GPR39: variants seen among roughly 807,000 people sequenced by gnomAD.
GPR39 encodes zinc sensing receptor.
A neutral mutation model predicts 18.4 loss-of-function variants in GPR39; 23 were observed. That is an observed-to-expected ratio of 1.25 (90% CI 0.90 to 1.77). The LOEUF is 1.77. GPR39 is among the 40% of genes most tolerant of loss of function. The pLI, the probability that GPR39 is intolerant of heterozygous loss-of-function variation, is 0.00. For synonymous variants in GPR39, 280 were observed against 257.9 expected, an observed-to-expected ratio of 1.09 and a Z score of -0.82; for missense variants, 647 against 602.4, an observed-to-expected ratio of 1.07 and a Z score of -0.78.
At chr2:132,429,117 T>A (rs1220324568) in intron 1 of GPR39, among the ~76,000 whole-genome samples, 3 of 152,220 alleles carry the variant, frequency 2.0e-5, no homozygotes, top group Admixed American at 2.0e-4. Flanking sequence ...TTATATTTTA[T>A]CTTCAATCCT....
At chr2:132,466,998 C>CA (rs1434946002) in intron 1 of GPR39, among the ~76,000 whole-genome samples, 2 of 152,112 alleles carry the variant, frequency 1.3e-5, no homozygotes, top group Middle Eastern at 3.4e-3. Flanking sequence ...AAGTACCTGC[C>CA]AAAAAATGGT....
chr2:132,424,965 G>A (rs1012370836), intron 1 of GPR39, among the ~76,000 whole-genome samples: 1 of 152,062 alleles, frequency 6.6e-6, no homozygotes. Context: ...TTCCCAGCAC[G>A]GAGGCCCAAA....
intron 1 of GPR39, among the ~76,000 whole-genome samples, chr2:132,615,845 G>A (rs919394082): frequency 4.6e-5 from 7 of 151,942 alleles, no homozygotes; most frequent in African/African-American, 9.7e-5. Flanking sequence ...TTACTCTCAG[G>A]TGTTGATCCT....
chr2:132,522,747 A>C (rs1166070028), intron 1 of GPR39, among the ~76,000 whole-genome samples: 1 of 152,190 alleles, frequency 6.6e-6, no homozygotes. Flanking sequence ...TATTTATATG[A>C]CATCTGGGCC....
chr2:132,474,171 CTT>C (rs1345918712), intron 1 of GPR39, among the ~76,000 whole-genome samples: 4 of 152,162 alleles, frequency 2.6e-5, no homozygotes, highest in Non-Finnish European at 5.9e-5. Context: ...TGGGTTTTCT[CTT>C]TTCTCAAAGG....
At chr2:132,618,664 A>T (rs1681381127) in intron 1 of GPR39, among the ~76,000 whole-genome samples, 1 of 152,172 alleles carries the variant, frequency 6.6e-6, no homozygotes, top group Non-Finnish European at 1.5e-5. Context: ...TGCACCAGGG[A>T]TGAAGCAGAG....
chr2:132,440,852 G>A (rs567189564), intron 1 of GPR39, among the ~76,000 whole-genome samples: 1 of 152,346 alleles, frequency 6.6e-6, no homozygotes, highest in Admixed American at 6.5e-5. Context: ...AGAGGCACAT[G>A]TGCCCTTGCA....
At chr2:132,606,244 G>C (rs1156500822) in intron 1 of GPR39, 1 of 152,258 alleles carries the variant, frequency 6.6e-6, no homozygotes, top group Non-Finnish European at 1.5e-5. Flanking sequence ...GTAATTTATT[G>C]AGCCTCTCTG....
rs60267293 is a variant in GPR39, at chr2:132,546,839, C to CAAAAAAAAAAAA, written c.857-98247_857-98236dup. Among the ~76,000 whole-genome samples the CAAAAAAAAAAAA allele has an allele frequency of 2.3e-3, 77 of 33,972 alleles. 11 individuals are homozygous for CAAAAAAAAAAAA. Among genetic ancestry groups the CAAAAAAAAAAAA allele is most frequent in the South Asian group, 7.3e-3 (5 of 686 alleles). The allele number at this position is 33,972 out of a possible 152,430, so 22.3% of individuals were successfully genotyped here. On this transcript the variant is annotated intron_variant, in intron 1 of 1. Transcript: ENST00000329321. The stretch of plus-strand genomic sequence containing the variant: ...TCTCCAGGATGCAGTAGCTCCACAG[C>CAAAAAAAAAAAA]AAAAAAAAAAAAAAAAAAAAAAAAA...
At chr2:132,559,755 G>T (rs1573667102) in intron 1 of GPR39, among the ~76,000 whole-genome samples, 1 of 152,126 alleles carries the variant, frequency 6.6e-6, no homozygotes, top group South Asian at 2.1e-4. Flanking sequence ...AAAGGCAAGA[G>T]CATTGGTTCT....
At chr2:132,564,610 G>T (rs1263049301) in intron 1 of GPR39, among the ~76,000 whole-genome samples, 1 of 151,978 alleles carries the variant, frequency 6.6e-6, no homozygotes, top group Non-Finnish European at 1.5e-5. Flanking sequence ...GCTTGTGCCA[G>T]GTGGGCCAGT....
intron 1 of GPR39, among the ~76,000 whole-genome samples, chr2:132,643,675 A>G (rs972583327): frequency 1.1e-4 from 17 of 152,174 alleles, no homozygotes; most frequent in African/African-American, 4.1e-4. Context: ...ATGTACCACC[A>G]TGCCTGGCTA....
intron 1 of GPR39, among the ~76,000 whole-genome samples, chr2:132,620,256 A>AT (rs1401593306): frequency 6.6e-6 from 1 of 152,200 alleles, no homozygotes; most frequent in Non-Finnish European, 1.5e-5. Context: ...CAGCTCCAGC[A>AT]TGAGTTGTCT....
chr2:132,451,619 T>C (rs1680634194), intron 1 of GPR39, among the ~76,000 whole-genome samples: 1 of 152,186 alleles, frequency 6.6e-6, no homozygotes, highest in South Asian at 2.1e-4. Flanking sequence ...AGTCTTTTCT[T>C]TCTTTCCTTC....
chr2:132,453,839 T>C (rs957520370), intron 1 of GPR39, among the ~76,000 whole-genome samples: 34 of 152,216 alleles, frequency 2.2e-4, no homozygotes, highest in African/African-American at 8.2e-4. Context: ...CATTGGTCTA[T>C]ATGTCTGTTT....
intron 1 of GPR39, among the ~76,000 whole-genome samples, chr2:132,582,746 C>T (rs547151511): frequency 1.3e-4 from 20 of 152,234 alleles, no homozygotes; most frequent in African/African-American, 4.8e-4. Flanking sequence ...GCCAGGTCCC[C>T]AAACCAGCCT....
chr2:132,600,793 T>TA (rs1025076199), intron 1 of GPR39, among the ~76,000 whole-genome samples: 2,123 of 148,880 alleles, frequency 0.014, 60 homozygotes, highest in African/African-American at 0.048. Context: ...TGTTGTTGTT[T>TA]AAAAAAAAAA....
chr2:132,616,856 A>G (rs776876731), intron 1 of GPR39, among the ~76,000 whole-genome samples: 31 of 152,240 alleles, frequency 2.0e-4, no homozygotes, highest in Non-Finnish European at 3.4e-4. Flanking sequence ...TATAAAGCAG[A>G]AATTGAAACA....
intron 1 of GPR39, among the ~76,000 whole-genome samples, chr2:132,464,451 A>G (rs1351976596): frequency 2.0e-5 from 3 of 152,164 alleles, no homozygotes; most frequent in South Asian, 2.1e-4. Context: ...CAAACAACCT[A>G]GTTTATTCTG....
Sources: allele counts gnomAD v4.1 joint callset (sites outside exome capture counted in the v4.1 genomes callset), GRCh38; gene constraint gnomAD v4.1.1; transcripts MANE v1.5; gene names NCBI Gene and HGNC (gene_info 2026-07-23, HGNC 2026-07-21).